The following C10orf90 variants were observed in gnomAD, a reference collection of about 807,000 sequenced individuals.
C10orf90 encodes (E2-independent) E3 ubiquitin-conjugating enzyme FATS.
In C10orf90, 56 loss-of-function variants were observed where a neutral mutation model predicts 62.5. That is an observed-to-expected ratio of 0.90 (90% CI 0.72 to 1.12). The LOEUF (loss-of-function observed/expected upper bound fraction) is 1.12. Among genes scored for constraint, C10orf90 ranks in the 50% most tolerant of loss-of-function variants. The pLI, the probability that C10orf90 is intolerant of heterozygous loss-of-function variation, is 0.00. For synonymous variants in C10orf90, 386 were observed against 340.4 expected, an observed-to-expected ratio of 1.13 and a Z score of -1.47; for missense variants, 970 against 880.4, an observed-to-expected ratio of 1.10 and a Z score of -1.29.
rs1487998222 is a variant in C10orf90 at position 126,494,924 on chromosome 10, AC to A, written c.1534+9032del. ...CCTTCAGGCCCTCATAGGGACCTTAACGCTGAAGAATCTCCCCATTACCCAT... is the reference window on the plus strand; with the variant it reads ...CCTTCAGGCCCTCATAGGGACCTTAAGCTGAAGAATCTCCCCATTACCCAT... On this transcript the variant is annotated intron_variant, in intron 4 of 9. Coordinates refer to ENST00000488181, the MANE Select transcript of C10orf90 (RefSeq NM_001350921.2). Among the ~76,000 whole-genome samples the A allele has an allele frequency of 2.6e-4, 40 of 152,352 alleles. 3 individuals are homozygous for A. The South Asian group carries it at 8.1e-3, about 31-fold the overall frequency.
In C10orf90 at chr10:126,470,796, G is replaced by A. The variant is rs112834279; in HGVS notation, c.1535-5810C>T. ...AGGAAGAAGAAAAAGAAAAGAAAGA[G>A]AGAGAAGAAAAGAAAAGAAAACAGA... On this transcript the variant is annotated intron_variant, in intron 4 of 9. Transcript: ENST00000488181. Among the ~76,000 whole-genome samples, 526 of 151,580 alleles carry A rather than the reference G, an allele frequency of 3.5e-3. 6 individuals are homozygous for A. In the East Asian group the frequency reaches 0.048, roughly 14 times the overall value.
intron 2 of C10orf90, among the ~76,000 whole-genome samples, chr10:126,560,285 G>A (rs1028918632): frequency 6.6e-6 from 1 of 152,122 alleles, no homozygotes; most frequent in Non-Finnish European, 1.5e-5. Context: ...TTTAATTTCA[G>A]CATTCACTTG....
At chr10:126,486,364 C>A (rs1861434517) in intron 4 of C10orf90, among the ~76,000 whole-genome samples, 1 of 152,066 alleles carries the variant, frequency 6.6e-6, no homozygotes, top group African/African-American at 2.4e-5. Flanking sequence ...AAAATTTTCA[C>A]AGATAAAGTC....
In C10orf90 at chr10:126,476,495, C is replaced by G. The variant is rs373976895; in HGVS notation, c.1535-11509G>C. Among the ~76,000 whole-genome samples, 67 of 152,312 alleles carry G rather than the reference C, an allele frequency of 4.4e-4. 1 individual carries two copies. The highest frequency in any genetic ancestry group is 1.6e-3 in the African/African-American group (66 of 41,578). ...GCGTCAGTGCAGGCCAGGCCGCAGG[C>G]AGGATGCAAGGAAGGCGACACTGAC... On this transcript the variant is annotated intron_variant, in intron 4 of 9. Transcript: ENST00000488181.
At position 126,565,137 on chromosome 10, in the gene C10orf90, A is replaced by AT. The variant is rs1469071740; in HGVS notation, c.314-51199dup. ...ATATTATATAATATATAATATAAAT[A>AT]TAATATTAAATATGTAATATAATAT... On this transcript the variant is annotated intron_variant, in intron 2 of 9. Coordinates refer to ENST00000488181, the MANE Select transcript of C10orf90 (RefSeq NM_001350921.2). 2.4e-4 allele frequency among the ~76,000 whole-genome samples: 11 copies of AT among 45,764 alleles called. 1 individual carries two copies. The highest frequency in any genetic ancestry group is 8.1e-4 in the Admixed American group (2 of 2,484). The allele number at this position is 45,764 out of a possible 152,430, so 30.0% of individuals were successfully genotyped here.
chr10:126,429,351 G>A (rs1857439362), intron 8 of C10orf90, among the ~76,000 whole-genome samples: 1 of 152,176 alleles, frequency 6.6e-6, no homozygotes, highest in Non-Finnish European at 1.5e-5. Flanking sequence ...GCTCCCAGGT[G>A]CCATCTGCCT....
At position 126,654,508 on chromosome 10, in the gene C10orf90, C is replaced by T. The variant is rs547466544; in HGVS notation, c.241-7871G>A. Among the ~76,000 whole-genome samples, 26 of 152,308 alleles carry T rather than the reference C, an allele frequency of 1.7e-4. No individual in the cohort carries two copies. The South Asian group carries it at 5.2e-3, about 30-fold the overall frequency. On this transcript the variant is annotated intron_variant, in intron 1 of 9. Coordinates refer to ENST00000488181, the MANE Select transcript of C10orf90 (RefSeq NM_001350921.2). ...GAATTATGGCTGGATTAGGCCTTGG[C>T]TTAGGGGAATGTTGTGGCTGGATTG...
At chr10:126,546,449 C>A (rs1864494145) in intron 2 of C10orf90, among the ~76,000 whole-genome samples, 1 of 152,194 alleles carries the variant, frequency 6.6e-6, no homozygotes, top group African/African-American at 2.4e-5. Context: ...TTCCCCTCCC[C>A]ACCAGGATGG....
intron 2 of C10orf90, among the ~76,000 whole-genome samples, chr10:126,630,915 C>A (rs1007529034): frequency 6.6e-6 from 1 of 152,178 alleles, no homozygotes; most frequent in Admixed American, 6.5e-5. Flanking sequence ...CTGCAGGCCT[C>A]TGATGTGTTT....
intron 2 of C10orf90, among the ~76,000 whole-genome samples, chr10:126,607,448 A>G (rs933400492): frequency 1.4e-4 from 22 of 152,250 alleles, no homozygotes; most frequent in African/African-American, 5.3e-4. Context: ...TATTTGGCAG[A>G]CATTTTTTCA....
intron 2 of C10orf90, among the ~76,000 whole-genome samples, chr10:126,602,758 C>CT (rs150624987): frequency 0.044 from 5,755 of 130,628 alleles, 233 homozygotes; most frequent in African/African-American, 0.11. Context: ...GGGTTTTGGG[C>CT]TTTTTTTTTT....
At chr10:126,472,275 G>T (rs1860622909) in intron 4 of C10orf90, among the ~76,000 whole-genome samples, 1 of 152,092 alleles carries the variant, frequency 6.6e-6, no homozygotes, top group African/African-American at 2.4e-5. Flanking sequence ...AATGATCACT[G>T]TAAAGAAAAC....
chr10:126,552,821 T>C (rs147732751), intron 2 of C10orf90, among the ~76,000 whole-genome samples: 7 of 152,354 alleles, frequency 4.6e-5, no homozygotes, highest in African/African-American at 1.7e-4. Context: ...ATATGTATAT[T>C]AGGAATAAAA....
rs547529102 is a variant in C10orf90 at position 126,654,374 on chromosome 10, G to A, written c.241-7737C>T. Reference sequence around the variant, plus strand: ...TCTACATTAGGGTTGCTGCTTCGCCGTGCACTTTGATGTTATAGAGACAGC... The same window carrying A: ...TCTACATTAGGGTTGCTGCTTCGCCATGCACTTTGATGTTATAGAGACAGC... On this transcript the variant is annotated intron_variant, in intron 1 of 9. Coordinates refer to ENST00000488181, the MANE Select transcript of C10orf90 (RefSeq NM_001350921.2). Among the ~76,000 whole-genome samples the A allele has an allele frequency of 1.3e-4, 20 of 152,306 alleles. No homozygotes were observed. In the South Asian group the frequency reaches 3.3e-3, roughly 25 times the overall value.
intron 2 of C10orf90, among the ~76,000 whole-genome samples, chr10:126,575,970 C>G (rs1844603065): frequency 6.6e-6 from 1 of 151,852 alleles, no homozygotes; most frequent in East Asian, 1.9e-4. Context: ...ATAAAACTAC[C>G]AGAAAGAAAC....
rs1860128363 is a variant in C10orf90 at position 126,463,659 on chromosome 10, C to T, written c.1825+1037G>A. Among the ~76,000 whole-genome samples the T allele has an allele frequency of 2.6e-5, 4 of 152,180 alleles. No homozygotes were observed. The South Asian group carries it at 8.3e-4, about 32-fold the overall frequency. On this transcript the variant is annotated intron_variant, in intron 5 of 9. Coordinates refer to ENST00000488181, the MANE Select transcript of C10orf90 (RefSeq NM_001350921.2). ...CCCTTAGCCTGCAATGCTCTTTGCCCTCAGGTCTGATTTGAAAACGTCAAA... is the reference window on the plus strand; with the variant it reads ...CCCTTAGCCTGCAATGCTCTTTGCCTTCAGGTCTGATTTGAAAACGTCAAA...
intron 1 of C10orf90, among the ~76,000 whole-genome samples, chr10:126,663,957 T>C (rs1297363852): frequency 6.6e-6 from 1 of 152,200 alleles, no homozygotes; most frequent in Non-Finnish European, 1.5e-5. Flanking sequence ...GTCCATTTTA[T>C]GTCGAAAATG....
At position 126,660,342 on chromosome 10, in the gene C10orf90, G is replaced by C. The variant is rs139233000; in HGVS notation, c.240+9899C>G. ...TCAGACAGGCCTGACCTAGTCAGGT[G>C]AGCCTTTTATAGAAGTCAGAGAGAT... On this transcript the variant is annotated intron_variant, in intron 1 of 9. Coordinates refer to ENST00000488181, the MANE Select transcript of C10orf90 (RefSeq NM_001350921.2). Among the ~76,000 whole-genome samples, 175 of 152,344 alleles carry C rather than the reference G, an allele frequency of 1.1e-3. 4 individuals carry two copies. In the South Asian group the frequency reaches 0.021, roughly 19 times the overall value.
intron 4 of C10orf90, among the ~76,000 whole-genome samples, chr10:126,496,865 C>T (rs1862090094): frequency 6.6e-6 from 1 of 152,204 alleles, no homozygotes; most frequent in African/African-American, 2.4e-5. Context: ...AGCCATTGCT[C>T]CCTGGCTCCC....
Sources: allele counts gnomAD v4.1 joint callset (sites outside exome capture counted in the v4.1 genomes callset), GRCh38; gene constraint gnomAD v4.1.1; transcripts MANE v1.5; gene names NCBI Gene and HGNC (gene_info 2026-07-23, HGNC 2026-07-21).